Variants in GFRA2 observed in about 807,000 individuals in gnomAD.
The protein encoded by GFRA2 is GDNF family receptor alpha-2.
Under a neutral mutation model 48.3 loss-of-function variants are expected in GFRA2, and 17 were observed. The observed-to-expected ratio is 0.35, with a 90% CI of 0.24 to 0.53. The LOEUF (loss-of-function observed/expected upper bound fraction) is 0.53. Among genes scored for constraint, GFRA2 ranks in the 20% least tolerant of loss-of-function variants. GFRA2 has a pLI of 0.93. For missense variants in GFRA2, 660 were observed against 637.3 expected, an observed-to-expected ratio of 1.04 and a Z score of -0.38; for synonymous variants, 305 against 257.2, an observed-to-expected ratio of 1.19 and a Z score of -1.78.
chr8:21,785,388 C>T (rs1279315521), intron 1 of GFRA2, among the ~76,000 whole-genome samples: 1 of 152,226 alleles, frequency 6.6e-6, no homozygotes, highest in Admixed American at 6.5e-5. Context: ...TAGTTCATTC[C>T]ATGACCCCCA....
At chr8:21,711,302 TGAGAGACA>T in intron 4 of GFRA2, among the ~76,000 whole-genome samples, 1 of 152,078 alleles carries the variant, frequency 6.6e-6, no homozygotes, top group African/African-American at 2.4e-5. Context: ...AAAGAAGGCA[TGAGAGACA>T]GAGAGAAAGA....
chr8:21,750,514 C>A lies in GFRA2; in HGVS notation c.794+74G>T. 1.2e-6 allele frequency: 1 copy of A among 809,698 alleles called. No homozygotes were observed. Among genetic ancestry groups the A allele is most frequent in the African/African-American group, 1.7e-5 (1 of 58,508 alleles). 50.2% of individuals were successfully genotyped at this position (809,698 alleles called of 1,614,324 possible). ...CATAATTCGATGCACCCAAGGAATG[C>A]AGAGAAAGGAAAACACAGCCTGGCA... is the stretch of plus-strand genomic sequence containing the variant. On this transcript the variant is annotated intron_variant, in intron 4 of 8. Coordinates refer to ENST00000524240, the MANE Select transcript of GFRA2 (RefSeq NM_001495.5). This position sits in a 1 kb window ranked among gnomAD's most constrained non-coding sequence, Gnocchi z 5.7.
intron 6 of GFRA2, 35 bp from the exon 7 acceptor site, chr8:21,703,012 A>C: frequency 2.9e-6 from 4 of 1,382,188 alleles, no homozygotes; most frequent in Non-Finnish European, 3.9e-6. Flanking sequence ...CAGAGAAGTC[A>C]GAACCCACGT....
At chr8:21,694,071 T>TATATATATATATATATATATATA (rs1563209393) in intron 8 of GFRA2, among the ~76,000 whole-genome samples, 1 of 71,050 alleles carries the variant, frequency 1.4e-5, no homozygotes, top group African/African-American at 5.3e-5. Context: ...ATATATTTAT[T>TATATATATATATATATATATATA]TATTTTTATA....
intron 4 of GFRA2, among the ~76,000 whole-genome samples, chr8:21,734,119 C>T (rs1311874549): frequency 2.0e-5 from 3 of 152,202 alleles, no homozygotes; most frequent in Non-Finnish European, 4.4e-5. Flanking sequence ...CTGCAGCGTG[C>T]AGTGGACCGG....
intron 7 of GFRA2, among the ~76,000 whole-genome samples, chr8:21,696,478 G>C (rs1296595851): frequency 6.6e-6 from 1 of 152,136 alleles, no homozygotes; most frequent in Non-Finnish European, 1.5e-5. Context: ...AGGGCCCCAG[G>C]GTGGGGCCTG....
At chr8:21,752,390 A>C (rs1331072549) in intron 3 of GFRA2, among the ~76,000 whole-genome samples, 2 of 151,972 alleles carry the variant, frequency 1.3e-5, no homozygotes, top group East Asian at 1.9e-4. Context: ...CCCTCAGCCC[A>C]TCAGCAGCAC....
chr8:21,790,110 A>C (rs1807522697), upstream of GFRA2: 11 of 985,020 alleles, frequency 1.1e-5, no homozygotes, highest in Non-Finnish European at 1.3e-5. Flanking sequence ...AACGCCCAGA[A>C]GGACCTAAAA....
At chr8:21,706,077 G>T in intron 4 of GFRA2, 36 bp from the exon 5 acceptor site, 1 of 1,364,460 alleles carries the variant, frequency 7.3e-7, no homozygotes, top group East Asian at 2.5e-5. Context: ...GAGAAAACAG[G>T]GGTTCAGTCT....
chr8:21,781,875 G>A lies in GFRA2; in HGVS notation c.355+710C>T, dbSNP rs1318996421. Among the ~76,000 whole-genome samples the A allele has an allele frequency of 8.5e-5, 13 of 152,286 alleles. No homozygotes were observed. The East Asian group carries it at 1.9e-3, about 23-fold the overall frequency. ...TGTGAAGGTGTGTTATTGGCGGGGGGACTTATAGGTTCTACTTTGTGACTC... is the reference window on the plus strand; with the variant it reads ...TGTGAAGGTGTGTTATTGGCGGGGGAACTTATAGGTTCTACTTTGTGACTC... On this transcript the variant is annotated intron_variant, in intron 2 of 8. Coordinates refer to ENST00000524240, the MANE Select transcript of GFRA2 (RefSeq NM_001495.5).
At chr8:21,733,301 T>C (rs1004274344) in intron 4 of GFRA2, among the ~76,000 whole-genome samples, 1 of 152,200 alleles carries the variant, frequency 6.6e-6, no homozygotes, top group African/African-American at 2.4e-5. Flanking sequence ...CTGAAGATCA[T>C]CTGATGAGCA....
intron 5 of GFRA2, among the ~76,000 whole-genome samples, 179 bp downstream of exon 5, chr8:21,705,753 C>T (rs971430197): frequency 9.2e-5 from 14 of 152,324 alleles, no homozygotes; most frequent in Middle Eastern, 3.4e-3. Flanking sequence ...CTAGGTCCTC[C>T]GCCTTGTTAC....
chr8:21,734,999 C>T (rs755322426), intron 4 of GFRA2, among the ~76,000 whole-genome samples: 2 of 152,204 alleles, frequency 1.3e-5, no homozygotes, highest in Non-Finnish European at 2.9e-5. Context: ...TGGAAGCCCC[C>T]TCCCCGCTTC....
intron 3 of GFRA2, among the ~76,000 whole-genome samples, chr8:21,760,419 T>G (rs900336667): frequency 6.6e-6 from 1 of 152,036 alleles, no homozygotes; most frequent in Non-Finnish European, 1.5e-5. Context: ...AATTTAGAGA[T>G]AAAGCCAAGG....
At position 21,729,498 on chromosome 8, in the gene GFRA2, GC is replaced by G. The variant is rs758282528; in HGVS notation, c.794+21089del. On this transcript the variant is annotated intron_variant, in intron 4 of 8. Coordinates refer to ENST00000524240, the MANE Select transcript of GFRA2 (RefSeq NM_001495.5). ...AGAGTGAAAGCTGGGCCTGGGAGAC[GC>G]CCCCCTGCCCTTCCTCGCACTTACA... Among the ~76,000 whole-genome samples, 6 of 152,154 alleles carry G rather than the reference GC, an allele frequency of 3.9e-5. No homozygotes were observed. The Middle Eastern group carries it at 0.014, about 345-fold the overall frequency.
intron 2 of GFRA2, among the ~76,000 whole-genome samples, chr8:21,782,379 G>T (rs1457789905): frequency 6.8e-6 from 1 of 146,692 alleles, no homozygotes; most frequent in East Asian, 2.0e-4. Flanking sequence ...CCTCCTCTTT[G>T]TCTCTCCTGG....
At chr8:21,743,374 G>A (rs1376024713) in intron 4 of GFRA2, among the ~76,000 whole-genome samples, 3 of 152,308 alleles carry the variant, frequency 2.0e-5, no homozygotes, top group African/African-American at 7.2e-5. Context: ...CCCTAAGCAA[G>A]GGCTGCTCTG....
chr8:21,767,634 ACC>A (rs1353487994), intron 3 of GFRA2, among the ~76,000 whole-genome samples: 1 of 152,098 alleles, frequency 6.6e-6, no homozygotes, highest in African/African-American at 2.4e-5. Context: ...GCCGCCCCAC[ACC>A]CCAGCCACTG....
chr8:21,694,339 A>T lies in GFRA2; in HGVS notation c.1272+125T>A, dbSNP rs762005416. 5.6e-5 allele frequency: 51 copies of T among 910,674 alleles called. 1 individual carries two copies. Among genetic ancestry groups the T allele is most frequent in the Non-Finnish European group, 7.4e-5 (44 of 592,818 alleles). 56.4% of individuals were successfully genotyped at this position (910,674 alleles called of 1,614,324 possible). The stretch of plus-strand genomic sequence containing the variant: ...GCAGAGTAAGTGCCCACCCTGGTCC[A>T]GAAGCTCAGCTGGCCCAGCCCATGC... On this transcript the variant is annotated intron_variant, in intron 8 of 8. Transcript: ENST00000524240.
Sources: gnomAD v4.1 joint callset for allele counts (sites outside exome capture counted in the v4.1 genomes callset) on GRCh38, gnomAD v4.1.1 for gene constraint, Gnocchi (gnomAD v3.1) non-coding constraint, MANE v1.5 for transcripts, NCBI Gene and HGNC (gene_info 2026-07-23, HGNC 2026-07-21) for gene names.